Variants in SLC28A1 observed in about 807,000 individuals in gnomAD.
The protein encoded by SLC28A1 is solute carrier family 28 member 1.
Under a neutral mutation model 74.8 loss-of-function variants are expected in SLC28A1, and 64 were observed. The observed-to-expected ratio is 0.86, with a 90% CI of 0.70 to 1.05. The LOEUF is 1.05. SLC28A1 is among the 50% of genes least tolerant of loss of function. The pLI is 0.00. For missense variants in SLC28A1, 828 were observed against 822.8 expected (o/e 1.01, Z -0.08); for synonymous variants, 359 against 335.0 (o/e 1.07, Z -0.78).
intron 12 of SLC28A1, 47 bp from the exon 13 acceptor site, chr15:84,933,098 C>A: frequency 6.2e-7 from 1 of 1,608,338 alleles, no homozygotes. Flanking sequence ...TGGTCGCCAG[C>A]ATTTCTTCTG....
At chr15:84,949,761 C>T (rs533114580), downstream of SLC28A1, among the ~76,000 whole-genome samples, 5 of 151,904 alleles carry the variant, frequency 3.3e-5, no homozygotes, top group East Asian at 3.9e-4. Context: ...TCCTCAAATC[C>T]GAGGGCTTGC....
chr15:84,957,202 G>T, the SLC28A1 span, among the ~76,000 whole-genome samples: 1 of 151,964 alleles, frequency 6.6e-6, no homozygotes, highest in Non-Finnish European at 1.5e-5. Context: ...TAAGAATATT[G>T]TCATCACCCG....
intron 15 of SLC28A1, among the ~76,000 whole-genome samples, chr15:84,936,570 TTAGTA>T (rs1971969114): frequency 6.6e-6 from 1 of 152,144 alleles, no homozygotes; most frequent in Non-Finnish European, 1.5e-5. Flanking sequence ...ACCTTCACTG[TTAGTA>T]TAGTGGATTC....
chr15:84,902,733 T>G (rs1236842042), intron 6 of SLC28A1, among the ~76,000 whole-genome samples: 1 of 69,548 alleles, frequency 1.4e-5, no homozygotes, highest in African/African-American at 6.4e-5. Flanking sequence ...GCATTTAAGT[T>G]TTTTTTTTTT....
downstream of SLC28A1, among the ~76,000 whole-genome samples, chr15:84,949,587 T>G (rs2079348002): frequency 6.7e-6 from 1 of 149,098 alleles, no homozygotes; most frequent in Admixed American, 6.7e-5. Context: ...TTTTTTTTTT[T>G]TAGAGATGGC....
At chr15:84,975,155 G>C in the SLC28A1 span, among the ~76,000 whole-genome samples, 7 of 152,196 alleles carry the variant, frequency 4.6e-5, no homozygotes, top group East Asian at 9.6e-4. Flanking sequence ...GGCCAACATA[G>C]TACTCAGCAC....
chr15:84,906,956 A>G (rs1185875178), intron 8 of SLC28A1, among the ~76,000 whole-genome samples: 4 of 152,234 alleles, frequency 2.6e-5, no homozygotes, highest in Admixed American at 2.6e-4. Context: ...TTCTATAAAA[A>G]TAGAGTGGGT....
At chr15:84,906,589 C>T (rs866288165) in intron 8 of SLC28A1, among the ~76,000 whole-genome samples, 24 of 109,848 alleles carry the variant, frequency 2.2e-4, no homozygotes, top group African/African-American at 6.8e-4. Context: ...TTCCTTCCTT[C>T]CTTCCTTCCT....
chr15:84,901,266 G>A (rs1234864776), intron 6 of SLC28A1, among the ~76,000 whole-genome samples: 1 of 152,210 alleles, frequency 6.6e-6, no homozygotes, highest in African/African-American at 2.4e-5. Context: ...AGCACTTTGG[G>A]AGGCCAAGGG....
intron 2 of SLC28A1, chr15:84,887,318 A>G: frequency 2.0e-6 from 2 of 982,982 alleles, no homozygotes; most frequent in Non-Finnish European, 1.2e-6. Flanking sequence ...TTCCTTCCCT[A>G]TGAAGTGGGC....
chr15:84,893,513 G>A (rs1965599754), intron 5 of SLC28A1, among the ~76,000 whole-genome samples: 2 of 152,048 alleles, frequency 1.3e-5, no homozygotes, highest in Non-Finnish European at 2.9e-5. Context: ...AGTGAGTGAC[G>A]GGAACTCAAT....
chr15:84,910,494 T>A (rs1010662886), intron 9 of SLC28A1, among the ~76,000 whole-genome samples: 1 of 152,162 alleles, frequency 6.6e-6, no homozygotes, highest in African/African-American at 2.4e-5. Context: ...TTTGGGAGGC[T>A]GAGGCAGGCG....
At chr15:84,966,547 C>T in the SLC28A1 span, among the ~76,000 whole-genome samples, 8 of 152,200 alleles carry the variant, frequency 5.3e-5, no homozygotes, top group Non-Finnish European at 1.0e-4. Flanking sequence ...CTGAATTAGT[C>T]TGTTTTCATG....
intron 14 of SLC28A1, 36 bp from the exon 15 acceptor site, chr15:84,935,285 C>G (rs909051454): frequency 6.2e-7 from 1 of 1,613,070 alleles, no homozygotes; most frequent in African/African-American, 1.3e-5. Flanking sequence ...AGCCCAGGCC[C>G]AGCCCTCGGT....
At chr15:84,890,132 C>T (rs969450618) in intron 4 of SLC28A1, among the ~76,000 whole-genome samples, 4 of 152,144 alleles carry the variant, frequency 2.6e-5, no homozygotes, top group Non-Finnish European at 5.9e-5. Context: ...ACCGCGCCCC[C>T]CCACCGGCCA....
chr15:84,891,564 GCC>G (rs1428388414), intron 5 of SLC28A1, among the ~76,000 whole-genome samples: 1 of 152,202 alleles, frequency 6.6e-6, no homozygotes, highest in Non-Finnish European at 1.5e-5. Flanking sequence ...CTGGAGACCA[GCC>G]ACACAGAAGG....
the SLC28A1 span, among the ~76,000 whole-genome samples, chr15:84,956,598 T>A: frequency 6.6e-6 from 1 of 150,640 alleles, no homozygotes; most frequent in Non-Finnish European, 1.5e-5. Context: ...GCTCAAGAGA[T>A]CCTCCCACCT....
intron 12 of SLC28A1, among the ~76,000 whole-genome samples, chr15:84,930,559 C>T (rs1288555429): frequency 6.6e-6 from 1 of 151,584 alleles, no homozygotes; most frequent in Non-Finnish European, 1.5e-5. Context: ...TTCTCAGCAG[C>T]AGGCCTGGCA....
In SLC28A1 at chr15:84,908,592, C is replaced by CA. The variant is rs1046285607; in HGVS notation, c.718-126_718-125insA. On this transcript the variant is annotated intron_variant, in intron 8 of 18. Transcript: ENST00000394573. ...AACGCACCTTGCCAGGTGGTGCCCC[C>CA]CCCCGGATAAGGGCCTGGGGGGACT... 53 of 768,560 alleles carry CA rather than the reference C, an allele frequency of 6.9e-5. 1 individual carries two copies. Among genetic ancestry groups the CA allele is most frequent in the Admixed American group, 6.6e-4 (33 of 50,190 alleles). 47.6% of individuals were successfully genotyped at this position (768,560 alleles called of 1,614,324 possible). A position where few individuals can be genotyped will look rare whatever the true frequency, so the allele number is the denominator to read the frequency against.
Sources: allele counts gnomAD v4.1 joint callset (sites outside exome capture counted in the v4.1 genomes callset), GRCh38; gene constraint gnomAD v4.1.1; transcripts MANE v1.5; gene names NCBI Gene and HGNC (gene_info 2026-07-23, HGNC 2026-07-21).